The following SGF29 variants were observed in gnomAD, a reference collection of about 807,000 sequenced individuals.
SGF29 encodes the protein SAGA complex associated factor 29.
In SGF29, 15 loss-of-function variants were observed where a neutral mutation model predicts 38.1. The observed-to-expected ratio is 0.39, with a 90% confidence interval of 0.26 to 0.61. The LOEUF is 0.61. SGF29 is among the 20% of genes least tolerant of loss of function. The probability of loss-of-function intolerance (pLI) is 0.49; values close to 1 mark genes in which losing one functional copy is unlikely to be tolerated. For missense variants in SGF29, 184 were observed against 394.6 expected (o/e 0.47, Z 4.52); for synonymous variants, 151 against 160.8 (o/e 0.94, Z 0.46).
In SGF29 at chr16:28,590,269, G is replaced by A. The variant is rs955921451; in HGVS notation, c.420-27G>A. The A allele has an allele frequency of 6.2e-7, 1 of 1,608,552 alleles. No homozygotes were observed. The highest frequency in any genetic ancestry group is 1.7e-5 in the Admixed American group (1 of 58,896). ...AGGGAGGGGCTGGTGCCCAGGGGCTGGGACTGACCCTTTGTTCCACTCACA... is the reference window on the plus strand; with the variant it reads ...AGGGAGGGGCTGGTGCCCAGGGGCTAGGACTGACCCTTTGTTCCACTCACA... On this transcript the variant is annotated intron_variant, in intron 6 of 9. Transcript: ENST00000317058. The surrounding 1 kb of genome is among the most constrained non-coding windows in gnomAD (Gnocchi z 8.2).
chr16:28,578,001 T>C (rs1323018999), intron 1 of SGF29, among the ~76,000 whole-genome samples: 1 of 152,176 alleles, frequency 6.6e-6, no homozygotes, highest in Non-Finnish European at 1.5e-5. Flanking sequence ...TACTGTAGCT[T>C]TCTTTTTTTA....
intron 1 of SGF29, among the ~76,000 whole-genome samples, chr16:28,566,952 G>A (rs753832704): frequency 3.3e-5 from 5 of 152,066 alleles, no homozygotes; most frequent in Non-Finnish European, 7.3e-5. Flanking sequence ...TTACAGGGGT[G>A]AGCCACCGTA....
At position 28,585,580 on chromosome 16, in the gene SGF29, A is replaced by G. The variant is rs866678157; in HGVS notation, c.152-68A>G. 2.2e-5 allele frequency: 29 copies of G among 1,347,946 alleles called. 1 individual carries two copies. The Middle Eastern group carries it at 3.4e-3, about 158-fold the overall frequency. The allele number at this position is 1,347,946 out of a possible 1,614,324, so 83.5% of individuals were successfully genotyped here. A position where few individuals can be genotyped will look rare whatever the true frequency, so the allele number is the denominator to read the frequency against. Reference sequence around the variant, plus strand: ...GCCTCCACGAGTGTGATTCCGGTGCATGGAAGCAGTGCCATGCTACTGTGC... The same window carrying G: ...GCCTCCACGAGTGTGATTCCGGTGCGTGGAAGCAGTGCCATGCTACTGTGC... On this transcript the variant is annotated intron_variant, in intron 3 of 9. Coordinates refer to ENST00000317058, the MANE Select transcript of SGF29 (RefSeq NM_138414.3).
chr16:28,555,122 T>C (rs1050334266), intron 1 of SGF29, among the ~76,000 whole-genome samples: 3 of 152,172 alleles, frequency 2.0e-5, no homozygotes, highest in African/African-American at 7.2e-5. Flanking sequence ...CCTCCCCAAA[T>C]GCTGGAATTA....
chr16:28,578,051 C>T (rs2046905285), intron 1 of SGF29, among the ~76,000 whole-genome samples: 2 of 151,910 alleles, frequency 1.3e-5, no homozygotes, highest in South Asian at 2.1e-4. Context: ...GGCTCAGGCT[C>T]GTCTGGTGGC....
At chr16:28,557,833 G>A (rs533877628) in intron 1 of SGF29, among the ~76,000 whole-genome samples, 20 of 152,274 alleles carry the variant, frequency 1.3e-4, no homozygotes, top group African/African-American at 4.8e-4. Flanking sequence ...CCTATATTGT[G>A]ACAGCAGAGG....
At chr16:28,588,108 G>GA (rs1443803071) in intron 4 of SGF29, among the ~76,000 whole-genome samples, 1 of 152,064 alleles carries the variant, frequency 6.6e-6, no homozygotes, top group Non-Finnish European at 1.5e-5. Context: ...CCCTGCTGTG[G>GA]AAATACTCTT....
chr16:28,576,662 T>C (rs1480207171), intron 1 of SGF29, among the ~76,000 whole-genome samples: 1 of 151,836 alleles, frequency 6.6e-6, no homozygotes, highest in Non-Finnish European at 1.5e-5. Flanking sequence ...ATCACACCAC[T>C]GCACTCCAAG....
chr16:28,558,181 C>T (rs1034364429), intron 1 of SGF29, among the ~76,000 whole-genome samples: 6 of 150,626 alleles, frequency 4.0e-5, no homozygotes, highest in Non-Finnish European at 7.4e-5. Context: ...TCTCGACTCA[C>T]TGCGACCTCC....
rs1227432932 is a variant in SGF29 at position 28,584,867 on chromosome 16, C to T, written c.76-46C>T. The T allele has an allele frequency of 2.8e-6, 4 of 1,441,438 alleles. No homozygotes were observed. In the South Asian group the frequency reaches 4.6e-5, roughly 17 times the overall value. 89.3% of individuals were successfully genotyped at this position (1,441,438 alleles called of 1,614,324 possible). ...TGGCCTGGCTGGCAGGGTACCACAG[C>T]AGCACAAAGGGCCACCGTCATGTCC... On this transcript the variant is annotated intron_variant, in intron 2 of 9. Transcript: ENST00000317058.
chr16:28,555,540 A>G (rs928369632), intron 1 of SGF29, among the ~76,000 whole-genome samples: 1 of 152,182 alleles, frequency 6.6e-6, no homozygotes, highest in Non-Finnish European at 1.5e-5. Context: ...TAAAACCTGC[A>G]TTGTTTGAGG....
At chr16:28,577,056 C>T (rs553121780) in intron 1 of SGF29, among the ~76,000 whole-genome samples, 13 of 152,056 alleles carry the variant, frequency 8.5e-5, no homozygotes, top group African/African-American at 3.1e-4. Flanking sequence ...CGCCTATAGT[C>T]CCAGCTACTT....
At chr16:28,582,283 C>T (rs1467311328) in intron 2 of SGF29, among the ~76,000 whole-genome samples, 4 of 152,116 alleles carry the variant, frequency 2.6e-5, no homozygotes, top group Admixed American at 1.3e-4. Flanking sequence ...AAAGGATGAG[C>T]GGTAGCCAGG....
At chr16:28,559,888 A>G (rs1195539822) in intron 1 of SGF29, among the ~76,000 whole-genome samples, 1 of 152,216 alleles carries the variant, frequency 6.6e-6, no homozygotes, top group African/African-American at 2.4e-5. Flanking sequence ...AACAGAATCC[A>G]GAGTCTACAA....
rs560847190 is a variant in SGF29, at chr16:28,572,869, T to C, written c.-15-8186T>C. On this transcript the variant is annotated intron_variant, in intron 1 of 9. Transcript: ENST00000317058. ...CACAGCCCCCTCTTCTGTCCCTGGC[T>C]TCTCAGCATGAAACTCCCCCCAGCC... is the stretch of plus-strand genomic sequence containing the variant. Among the ~76,000 whole-genome samples, 9 of 152,004 alleles carry C rather than the reference T, an allele frequency of 5.9e-5. No individual in the cohort carries two copies. In the South Asian group the frequency reaches 1.7e-3, roughly 28 times the overall value.
intron 1 of SGF29, among the ~76,000 whole-genome samples, chr16:28,579,082 C>T (rs898679857): frequency 1.3e-5 from 2 of 152,048 alleles, no homozygotes; most frequent in African/African-American, 4.8e-5. Flanking sequence ...TCACTGCCCC[C>T]AGCTTGAACA....
At chr16:28,588,701 A>C in intron 4 of SGF29, 1 of 392,342 alleles carries the variant, frequency 2.5e-6, no homozygotes, top group East Asian at 7.8e-5. Context: ...AGTAGGTGGG[A>C]TTACAGTTAA....
intron 1 of SGF29, among the ~76,000 whole-genome samples, chr16:28,577,996 T>C (rs1596603828): frequency 6.6e-6 from 1 of 152,106 alleles, no homozygotes; most frequent in Non-Finnish European, 1.5e-5. Flanking sequence ...TTGATTACTG[T>C]AGCTTTCTTT....
chr16:28,562,288 T>C (rs1242616776), intron 1 of SGF29, among the ~76,000 whole-genome samples: 1 of 152,196 alleles, frequency 6.6e-6, no homozygotes, highest in Admixed American at 6.5e-5. Flanking sequence ...GTAGGTGCTC[T>C]TGTTTTAATT....
Sources: gnomAD v4.1 joint callset for allele counts (sites outside exome capture counted in the v4.1 genomes callset) on GRCh38, gnomAD v4.1.1 for gene constraint, Gnocchi (gnomAD v3.1) non-coding constraint, MANE v1.5 for transcripts, NCBI Gene and HGNC (gene_info 2026-07-23, HGNC 2026-07-21) for gene names.